The following DLG2 variants were observed in gnomAD, a reference collection of about 807,000 sequenced individuals.
The protein encoded by DLG2 is discs large MAGUK scaffold protein 2, also known as disks large homolog 2.
In DLG2, 45 loss-of-function variants were observed where a neutral mutation model predicts 132.5. The observed-to-expected ratio is 0.34, with a 90% CI of 0.27 to 0.44. DLG2 has a LOEUF of 0.44. Among genes scored for constraint, DLG2 ranks in the 20% least tolerant of loss-of-function variants. The probability of loss-of-function intolerance (pLI) is 1.00; values close to 1 mark genes in which losing one functional copy is unlikely to be tolerated. For missense variants in DLG2, 1,045 were observed against 1,196.9 expected (o/e 0.87, Z 1.87); for synonymous variants, 424 against 419.6 (o/e 1.01, Z -0.13).
chr11:84,838,557 G>C (rs1451840004), intron 6 of DLG2, among the ~76,000 whole-genome samples: 1 of 151,844 alleles, frequency 6.6e-6, no homozygotes, highest in Non-Finnish European at 1.5e-5. Flanking sequence ...TGAAGTTAAA[G>C]GTGCACATAC....
chr11:84,330,210 C>A (rs948620505), intron 7 of DLG2, among the ~76,000 whole-genome samples: 2 of 152,166 alleles, frequency 1.3e-5, no homozygotes, highest in African/African-American at 4.8e-5. Flanking sequence ...TGAACAGAGA[C>A]TCAATAAAGG....
chr11:84,986,958 G>C (rs2056562223), intron 6 of DLG2, among the ~76,000 whole-genome samples: 1 of 152,166 alleles, frequency 6.6e-6, no homozygotes, highest in South Asian at 2.1e-4. Context: ...AATTAGTAAA[G>C]AGGAAGTCAA....
rs2079256150 is a variant in DLG2 at position 84,833,131 on chromosome 11, T to C, written c.357+278530A>G. Among the ~76,000 whole-genome samples, 3 of 151,668 alleles carry C rather than the reference T, an allele frequency of 2.0e-5. No individual in the cohort carries two copies. In the South Asian group the frequency reaches 6.2e-4, roughly 31 times the overall value. ...AAAGAAGGTAATTGAAAGCCTTCTCTATTTAGTGAAATCTAAATTTAAAAA... is the reference window on the plus strand; with the variant it reads ...AAAGAAGGTAATTGAAAGCCTTCTCCATTTAGTGAAATCTAAATTTAAAAA... On this transcript the variant is annotated intron_variant, in intron 6 of 27. Transcript: ENST00000376104.
chr11:84,354,239 G>T (rs1220387382), intron 7 of DLG2, among the ~76,000 whole-genome samples: 1 of 152,090 alleles, frequency 6.6e-6, no homozygotes, highest in Non-Finnish European at 1.5e-5. Context: ...GAAGATTTCA[G>T]TAGTCAACTC....
At chr11:83,681,477 T>C (rs964420098) in intron 18 of DLG2, among the ~76,000 whole-genome samples, 8 of 152,174 alleles carry the variant, frequency 5.3e-5, no homozygotes, top group Non-Finnish European at 7.4e-5. Flanking sequence ...CCTTCTGCAT[T>C]TGTCCGTCCT....
intron 6 of DLG2, among the ~76,000 whole-genome samples, chr11:85,005,697 T>C (rs1191905468): frequency 6.6e-6 from 1 of 152,198 alleles, no homozygotes; most frequent in Non-Finnish European, 1.5e-5. Flanking sequence ...CTTCCTCTCT[T>C]CCTATTTGAA....
At chr11:84,550,170 A>C (rs1330311415) in intron 6 of DLG2, among the ~76,000 whole-genome samples, 1 of 151,998 alleles carries the variant, frequency 6.6e-6, no homozygotes, top group Non-Finnish European at 1.5e-5. Context: ...ATGCATGTAT[A>C]TGCTCAATTC....
At chr11:85,277,121 C>G (rs1194494804) in intron 4 of DLG2, among the ~76,000 whole-genome samples, 2 of 152,166 alleles carry the variant, frequency 1.3e-5, no homozygotes, top group African/African-American at 4.8e-5. Flanking sequence ...TAAGTTCAGT[C>G]CAGACAGTAA....
intron 3 of DLG2, among the ~76,000 whole-genome samples, chr11:85,582,789 G>T (rs2078639467): frequency 7.1e-6 from 1 of 141,316 alleles, no homozygotes; most frequent in South Asian, 2.3e-4. Flanking sequence ...TCAAGGCTTT[G>T]CTGAAAGCAT....
intron 19 of DLG2, among the ~76,000 whole-genome samples, chr11:83,558,074 CAT>C (rs1412325020): frequency 6.6e-6 from 1 of 152,186 alleles, no homozygotes; most frequent in South Asian, 2.1e-4. Flanking sequence ...AATCCACAGA[CAT>C]GTGGGTTTCT....
intron 15 of DLG2, among the ~76,000 whole-genome samples, chr11:83,889,159 G>A (rs1236891430): frequency 1.3e-5 from 2 of 152,064 alleles, no homozygotes; most frequent in African/African-American, 4.8e-5. Context: ...TACCATCAGA[G>A]TGAACAGGAA....
chr11:84,670,448 G>C (rs778365002), intron 6 of DLG2, among the ~76,000 whole-genome samples: 1 of 152,116 alleles, frequency 6.6e-6, no homozygotes, highest in Non-Finnish European at 1.5e-5. Flanking sequence ...CCAGGGCTGC[G>C]GGAGATCAAA....
At chr11:85,028,608 G>A (rs371078607) in intron 6 of DLG2, among the ~76,000 whole-genome samples, 4 of 152,188 alleles carry the variant, frequency 2.6e-5, no homozygotes, top group African/African-American at 9.6e-5. Context: ...CAGCCCTGCC[G>A]TAAGTGCATG....
At chr11:84,039,351 T>C (rs1285658324) in intron 11 of DLG2, among the ~76,000 whole-genome samples, 2 of 147,636 alleles carry the variant, frequency 1.4e-5, no homozygotes, top group African/African-American at 5.0e-5. Flanking sequence ...GTGTATCTCC[T>C]AATGCTATCC....
intron 6 of DLG2, among the ~76,000 whole-genome samples, chr11:84,999,765 G>T (rs949234373): frequency 2.6e-5 from 4 of 152,004 alleles, no homozygotes. Flanking sequence ...TAGCATTCCA[G>T]GGTTCACACA....
Position 83,791,288 on chromosome 11 carries a change from A to T in DLG2, c.1723-4496T>A, listed in dbSNP as rs578040332. On this transcript the variant is annotated intron_variant, in intron 17 of 27. Coordinates refer to ENST00000376104, the MANE Select transcript of DLG2 (RefSeq NM_001142699.3). ...GTGTCCTCATCGGCAGAGCTCCCAG[A>T]GGGTTTGCCCGCCTTGCCTTTTGGC... is the stretch of plus-strand genomic sequence containing the variant. 3.0e-5 allele frequency: 20 copies of T among 677,244 alleles called. No homozygotes were observed. The South Asian group carries it at 3.4e-4, about 11-fold the overall frequency. 42.0% of individuals were successfully genotyped at this position (677,244 alleles called of 1,614,324 possible).
intron 5 of DLG2, among the ~76,000 whole-genome samples, chr11:85,148,664 G>C (rs1160777952): frequency 6.6e-6 from 1 of 152,048 alleles, no homozygotes. Context: ...TTGTCAGATG[G>C]GTAGATTGCA....
chr11:83,877,651 A>C (rs2154070840), intron 15 of DLG2, among the ~76,000 whole-genome samples: 1 of 152,310 alleles, frequency 6.6e-6, no homozygotes, highest in South Asian at 2.1e-4. Flanking sequence ...AAGGTTAGCC[A>C]GTTTCTCCTA....
intron 6 of DLG2, among the ~76,000 whole-genome samples, chr11:85,062,524 T>G (rs2064270620): frequency 6.6e-6 from 1 of 150,976 alleles, no homozygotes; most frequent in Non-Finnish European, 1.5e-5. Flanking sequence ...ATAAGATAGG[T>G]AGTATCACAG....
Sources: allele counts gnomAD v4.1 joint callset (sites outside exome capture counted in the v4.1 genomes callset), GRCh38; gene constraint gnomAD v4.1.1; transcripts MANE v1.5; gene names NCBI Gene and HGNC (gene_info 2026-07-23, HGNC 2026-07-21).